Variants in CLPSL1 observed in about 807,000 individuals in gnomAD.
CLPSL1 encodes colipase-like protein 1.
CLPSL1 carries 13 observed loss-of-function variants against 9.3 expected under a neutral mutation model. The ratio of observed to expected loss-of-function variants is 1.40; its 90% CI spans 0.91 to 2.22. The LOEUF (loss-of-function observed/expected upper bound fraction) is 2.22, where lower values mean the gene tolerates loss of function less well. Among genes scored for constraint, CLPSL1 ranks in the 30% most tolerant of loss-of-function variants. CLPSL1 has a pLI of 0.00. For synonymous variants in CLPSL1, 58 were observed against 56.9 expected (o/e 1.02, Z -0.08); for missense variants, 164 against 146.6 (o/e 1.12, Z -0.61).
chr6:35,783,435 G>A (rs546846670), intron 1 of CLPSL1, among the ~76,000 whole-genome samples: 13 of 152,056 alleles, frequency 8.5e-5, no homozygotes, highest in Admixed American at 4.6e-4. Context: ...GCTTGAACCC[G>A]GGAGGCAGAG....
At chr6:35,790,303 A>T (rs1324995288), downstream of CLPSL1, among the ~76,000 whole-genome samples, 3 of 152,270 alleles carry the variant, frequency 2.0e-5, no homozygotes, top group African/African-American at 7.2e-5. Flanking sequence ...CAAAGTTGTT[A>T]ATTTTTTTAA....
rs142444952 is a variant in CLPSL1, at chr6:35,786,619, G to A, written c.100-379G>A. On this transcript the variant is annotated intron_variant, in intron 1 of 2. Coordinates refer to ENST00000373861, the MANE Select transcript of CLPSL1 (RefSeq NM_001010886.5). ...GTCATTGATGTGTGTAGGGGGAGGG[G>A]CGGTGGGAATGCATGTAGGTGACCA... is the stretch of plus-strand genomic sequence containing the variant. 5.9e-5 allele frequency among the ~76,000 whole-genome samples: 9 copies of A among 152,226 alleles called. No homozygotes were observed. The East Asian group carries it at 1.5e-3, about 26-fold the overall frequency.
intron 1 of CLPSL1, 71 bp from the exon 2 acceptor site, chr6:35,786,927 A>C: frequency 6.6e-7 from 1 of 1,521,996 alleles, no homozygotes; most frequent in Non-Finnish European, 8.8e-7. Context: ...CGTAGGGAGA[A>C]AGCCCCAGGC....
chr6:35,786,999 A>G lies in CLPSL1; in HGVS notation c.101A>G (p.Glu34Gly). ...SLSPTKYNLL[E>G]LKESCIRNQD... ...GCGGTGCCGTGTCCCTCCCTGCAGGAGCTCAAGGAGTCTTGCATCCGGAAC... is the reference window on the plus strand; with the variant it reads ...GCGGTGCCGTGTCCCTCCCTGCAGGGGCTCAAGGAGTCTTGCATCCGGAAC... The change falls in exon 2 of 3, where the codon GAG becomes GGG. Residue 34 changes from glutamate (E) to glycine (G), a missense_variant and splice_region_variant. Glu to Gly is a moderately conservative substitution (Grantham distance 98). Coordinates refer to ENST00000373861, the MANE Select transcript of CLPSL1 (RefSeq NM_001010886.5). The G allele has an allele frequency of 6.3e-7, 1 of 1,576,402 alleles. No homozygotes were observed. Among genetic ancestry groups the G allele is most frequent in the South Asian group, 1.2e-5 (1 of 85,988 alleles).
At chr6:35,786,552 A>G (rs1768076279) in intron 1 of CLPSL1, among the ~76,000 whole-genome samples, 1 of 152,188 alleles carries the variant, frequency 6.6e-6, no homozygotes, top group Non-Finnish European at 1.5e-5. Context: ...GGCTGTGATC[A>G]ATAATGTTAA....
intron 1 of CLPSL1, among the ~76,000 whole-genome samples, chr6:35,784,719 G>A (rs1768034291): frequency 6.6e-6 from 1 of 152,188 alleles, no homozygotes; most frequent in South Asian, 2.1e-4. Flanking sequence ...GGGCAACAAA[G>A]CAAGACTCCT....
intron 1 of CLPSL1, among the ~76,000 whole-genome samples, chr6:35,786,070 G>A (rs1768066849): frequency 6.6e-6 from 1 of 151,932 alleles, no homozygotes; most frequent in South Asian, 2.1e-4. Context: ...TTCGAGACCA[G>A]CCTGGCCAGC....
chr6:35,781,991 A>G (rs1767976445), intron 1 of CLPSL1, among the ~76,000 whole-genome samples: 1 of 151,932 alleles, frequency 6.6e-6, no homozygotes, highest in African/African-American at 2.4e-5. Context: ...ACCTCAAGCA[A>G]TCCACCCGCC....
At position 35,787,947 on chromosome 6, in the gene CLPSL1, C is replaced by T; in HGVS notation, c.303C>T (p.Ser101=). The change falls in exon 3 of 3, where the codon AGC becomes AGT. Residue 101 remains serine (S), a synonymous_variant. Transcript: ENST00000373861. ...CIYSKNEKWL[S]IAYGRCQKIG... is the part of the protein sequence containing the mutation. ...ATTCAAAGAATGAGAAATGGCTTAG[C>T]ATCGCCTATGGCCGTTGTCAGAAAA... is the stretch of plus-strand genomic sequence containing the variant. The T allele has an allele frequency of 6.2e-7, 1 of 1,612,986 alleles. No homozygotes were observed. Among genetic ancestry groups the T allele is most frequent in the Non-Finnish European group, 8.5e-7 (1 of 1,178,922 alleles).
intron 1 of CLPSL1, 112 bp downstream of exon 1, chr6:35,781,321 G>A (rs960413307): frequency 1.5e-5 from 22 of 1,433,944 alleles, no homozygotes; most frequent in Middle Eastern, 2.3e-4. Context: ...AGAAGTGGGG[G>A]CAGCAGGGAG....
At chr6:35,788,165 A>T, downstream of CLPSL1, 2 of 424,196 alleles carry the variant, frequency 4.7e-6, no homozygotes, top group South Asian at 1.6e-5. Context: ...CTGCCCACAG[A>T]GTTGGGGCCT....
chr6:35,787,911 G>C lies in CLPSL1; in HGVS notation c.267G>C (p.Leu89=), dbSNP rs561535280. 6.2e-7 allele frequency: 1 copy of C among 1,609,218 alleles called. No individual in the cohort carries two copies. The highest frequency in any genetic ancestry group is 1.3e-5 in the African/African-American group (1 of 74,954). The part of the protein sequence containing the change: ...QYRACPCLRN[L]TCIYSKNEKW... ...GAGCGTGTCCCTGCCTGCGGAACCT[G>C]ACTTGTATATATTCAAAGAATGAGA... Residue 89 remains leucine, a synonymous_variant, in exon 3 of 3, where the codon CTG becomes CTC. Coordinates refer to ENST00000373861, the MANE Select transcript of CLPSL1 (RefSeq NM_001010886.5).
downstream of CLPSL1, among the ~76,000 whole-genome samples, chr6:35,791,616 AAAAAAG>A (rs1354635379): frequency 9.1e-4 from 138 of 152,146 alleles, no homozygotes; most frequent in African/African-American, 3.1e-3. Context: ...TCCAAAAAAA[AAAAAAG>A]AAAAAGAAAA....
downstream of CLPSL1, among the ~76,000 whole-genome samples, chr6:35,792,421 CAT>C (rs962235430): frequency 2.6e-5 from 4 of 152,274 alleles, no homozygotes; most frequent in African/African-American, 7.2e-5. Flanking sequence ...GAATATATCT[CAT>C]GTAATTTATT....
intron 1 of CLPSL1, among the ~76,000 whole-genome samples, chr6:35,782,693 G>A (rs967397038): frequency 6.6e-6 from 1 of 152,118 alleles, no homozygotes; most frequent in African/African-American, 2.4e-5. Flanking sequence ...TGATGGCTTT[G>A]AATCCAGAGA....
downstream of CLPSL1, among the ~76,000 whole-genome samples, chr6:35,788,490 C>T (rs1768132885): frequency 6.6e-6 from 1 of 152,264 alleles, no homozygotes. Flanking sequence ...TTATTGAGCA[C>T]TTACTAGATG....
rs1286185558 is a variant in CLPSL1 at position 35,781,827 on chromosome 6, A to G, written c.99+618A>G. On this transcript the variant is annotated intron_variant, in intron 1 of 2. Coordinates refer to ENST00000373861, the MANE Select transcript of CLPSL1 (RefSeq NM_001010886.5). ...GTGGGGCAATCTCGGCTCACTGCAA[A>G]CTTAGCCTCCTGAGTTCAAGCGATT... is the stretch of plus-strand genomic sequence containing the variant. Among the ~76,000 whole-genome samples, 8 of 151,328 alleles carry G rather than the reference A, an allele frequency of 5.3e-5. No individual in the cohort carries two copies. In the South Asian group the frequency reaches 1.5e-3, roughly 28 times the overall value.
At chr6:35,786,031 G>C (rs966712958) in intron 1 of CLPSL1, among the ~76,000 whole-genome samples, 2 of 151,838 alleles carry the variant, frequency 1.3e-5, no homozygotes, top group South Asian at 4.2e-4. Context: ...TTGGGAGGCC[G>C]AGGCGGGTGG....
In CLPSL1 at chr6:35,787,892, G is replaced by A. The variant is rs967249943; in HGVS notation, c.248G>A (p.Cys83Tyr). The A allele has an allele frequency of 1.9e-6, 3 of 1,607,962 alleles. No individual in the cohort carries two copies. Among genetic ancestry groups the A allele is most frequent in the Non-Finnish European group, 2.6e-6 (3 of 1,174,540 alleles). Residue 83 changes from cysteine to tyrosine, a missense_variant, in exon 3 of 3, where the codon TGT becomes TAT. Coordinates refer to ENST00000373861, the MANE Select transcript of CLPSL1 (RefSeq NM_001010886.5). Reference protein sequence around the residue: ...TQVFFGQYRACPCLRNLTCIY... With the variant: ...TQVFFGQYRAYPCLRNLTCIY... Reference sequence around the variant, plus strand: ...GTGTTCTTTGGCCAATATAGAGCGTGTCCCTGCCTGCGGAACCTGACTTGT... The same window carrying A: ...GTGTTCTTTGGCCAATATAGAGCGTATCCCTGCCTGCGGAACCTGACTTGT...
Sources: allele counts gnomAD v4.1 joint callset (sites outside exome capture counted in the v4.1 genomes callset), GRCh38; gene constraint gnomAD v4.1.1; transcripts MANE v1.5; gene names NCBI Gene and HGNC (gene_info 2026-07-23, HGNC 2026-07-21).